RNF216: variants seen among roughly 807,000 people sequenced by gnomAD.
RNF216 encodes the protein ring finger protein 216.
In RNF216, 72 loss-of-function variants were observed where a neutral mutation model predicts 110.8. The observed-to-expected ratio is 0.65, with a 90% CI of 0.54 to 0.79. The LOEUF (loss-of-function observed/expected upper bound fraction) is 0.79. Among genes scored for constraint, RNF216 ranks in the 30% least tolerant of loss-of-function variants. The pLI, the probability that RNF216 is intolerant of heterozygous loss-of-function variation, is 0.00. For synonymous variants in RNF216, 495 were observed against 407.5 expected (o/e 1.21, Z -2.59); for missense variants, 1,342 against 1,141.2 (o/e 1.18, Z -2.54).
chr7:5,723,645 T>C lies in RNF216; in HGVS notation c.1504+1679A>G, dbSNP rs539221254. ...CTGGGCGACAGAGCAAGACTCCGTC[T>C]CAAAAAAAAAAAATAAATAAATAAA... On this transcript the variant is annotated intron_variant, in intron 8 of 16. Coordinates refer to ENST00000389902, the MANE Select transcript of RNF216 (RefSeq NM_207111.4). Among the ~76,000 whole-genome samples, 19 of 149,272 alleles carry C rather than the reference T, an allele frequency of 1.3e-4. No individual in the cohort carries two copies. The South Asian group carries it at 3.4e-3, about 27-fold the overall frequency.
intron 13 of RNF216, among the ~76,000 whole-genome samples, chr7:5,669,589 C>G (rs1789763496): frequency 6.6e-6 from 1 of 152,218 alleles, no homozygotes; most frequent in African/African-American, 2.4e-5. Context: ...CCAGATATCA[C>G]TGTTGAAACT....
intron 14 of RNF216, among the ~76,000 whole-genome samples, chr7:5,645,855 G>A (rs1447378135): frequency 1.3e-5 from 2 of 152,298 alleles, no homozygotes; most frequent in South Asian, 2.1e-4. Flanking sequence ...CTCCCAAAGT[G>A]CTGGGATTAC....
chr7:5,653,667 T>C (rs2128578286), intron 13 of RNF216, among the ~76,000 whole-genome samples: 1 of 132,274 alleles, frequency 7.6e-6, no homozygotes, highest in South Asian at 2.5e-4. Flanking sequence ...AGGCATTAAA[T>C]GGAAATTATA....
chr7:5,721,150 C>T lies in RNF216; in HGVS notation c.1527G>A (p.Arg509=), dbSNP rs374809313. The change falls in exon 9 of 17, where the codon AGG becomes AGA. Residue 509 remains arginine, a synonymous_variant. Coordinates refer to ENST00000389902, the MANE Select transcript of RNF216 (RefSeq NM_207111.4). ...FEQGDIKIEK[R]MFFLENKRRH... is the part of the protein sequence containing the mutation. ...GTCGCTTATTTTCAAGAAAGAACAT[C>T]CTCTTTTCTATTTTTATGTCACCTA... is the stretch of plus-strand genomic sequence containing the variant. The T allele has an allele frequency of 1.8e-4, 291 of 1,613,866 alleles. No individual in the cohort carries two copies. The highest frequency in any genetic ancestry group is 2.3e-4 in the Non-Finnish European group (272 of 1,179,932).
intron 13 of RNF216, among the ~76,000 whole-genome samples, chr7:5,686,037 A>G (rs1790960119): frequency 6.6e-6 from 1 of 151,848 alleles, no homozygotes; most frequent in Non-Finnish European, 1.5e-5. Flanking sequence ...AGCATGGCCA[A>G]CATGGTGAAA....
intron 13 of RNF216, among the ~76,000 whole-genome samples, chr7:5,708,739 C>T (rs3801017): frequency 0.058 from 8,874 of 152,090 alleles, 301 homozygotes; most frequent in East Asian, 0.12. Flanking sequence ...TGTAAGCTGC[C>T]CAGCTCTTTT....
intron 7 of RNF216, among the ~76,000 whole-genome samples, chr7:5,725,781 C>G (rs1479102704): frequency 7.1e-6 from 1 of 140,632 alleles, no homozygotes; most frequent in African/African-American, 2.7e-5. Context: ...ACCCAGGAGG[C>G]GGAGGTCGCA....
intron 13 of RNF216, among the ~76,000 whole-genome samples, chr7:5,654,219 T>A (rs1024789871): frequency 7.2e-5 from 11 of 152,126 alleles, no homozygotes; most frequent in Non-Finnish European, 1.3e-4. Flanking sequence ...AGGGAGGAAG[T>A]AAGACTGGTG....
chr7:5,752,868 T>C lies in RNF216; in HGVS notation c.179A>G (p.Asp60Gly). 1 of 1,612,482 alleles carries C rather than the reference T, an allele frequency of 6.2e-7. No homozygotes were observed. The highest frequency in any genetic ancestry group is 8.5e-7 in the Non-Finnish European group (1 of 1,179,374). Residue 60 changes from aspartate to glycine, a missense_variant, in exon 3 of 17, where the codon GAT becomes GGT. Physicochemically the swap from Asp to Gly is moderately conservative, Grantham distance 94. Transcript: ENST00000389902. ...CACTTCTGTCAGGATGACATCATCATCCAGGTCCTCTTCTTCATGCTGCTG... is the reference window on the plus strand; with the variant it reads ...CACTTCTGTCAGGATGACATCATCACCCAGGTCCTCTTCTTCATGCTGCTG... ...APQQHEEEDLDDDVILTETNK... is the reference protein window; with the variant it reads ...APQQHEEEDLGDDVILTETNK...
intron 2 of RNF216, among the ~76,000 whole-genome samples, chr7:5,758,689 T>C (rs971692920): frequency 1.3e-5 from 2 of 152,292 alleles, no homozygotes; most frequent in East Asian, 3.9e-4. Flanking sequence ...TTTGGCCAAT[T>C]TCTCCCTTTT....
chr7:5,697,294 G>C (rs189679967), intron 13 of RNF216, among the ~76,000 whole-genome samples: 1 of 152,348 alleles, frequency 6.6e-6, no homozygotes, highest in Non-Finnish European at 1.5e-5. Flanking sequence ...TCATCCCACT[G>C]ATGGTCAGTT....
intron 15 of RNF216, among the ~76,000 whole-genome samples, chr7:5,635,184 T>A (rs1787323418): frequency 6.6e-6 from 1 of 152,048 alleles, no homozygotes. Context: ...TCACACTGCA[T>A]AGCACGCTCA....
At chr7:5,727,584 C>A (rs573481897) in intron 7 of RNF216, among the ~76,000 whole-genome samples, 1 of 152,196 alleles carries the variant, frequency 6.6e-6, no homozygotes, top group South Asian at 2.1e-4. Flanking sequence ...ATAAAAAGAT[C>A]ATCCAGGTGT....
intron 13 of RNF216, among the ~76,000 whole-genome samples, chr7:5,693,529 A>G (rs760108788): frequency 6.6e-6 from 1 of 152,226 alleles, no homozygotes; most frequent in Non-Finnish European, 1.5e-5. Flanking sequence ...TTGAGGAAGG[A>G]AAGAGCAGGA....
chr7:5,700,084 C>T (rs1235930384), intron 13 of RNF216, among the ~76,000 whole-genome samples: 1 of 152,186 alleles, frequency 6.6e-6, no homozygotes, highest in Non-Finnish European at 1.5e-5. Context: ...CCACATTCCC[C>T]GCCCTGACAC....
rs1041115978 is a variant in RNF216 at position 5,644,481 on chromosome 7, T to C, written c.2160-3105A>G. ...CTTGTTGGTCATTTGTACATCTTTC[T>C]GGAGAAATATCAATTGATATTGTTT... On this transcript the variant is annotated intron_variant, in intron 14 of 16. Transcript: ENST00000389902. 2.0e-5 allele frequency among the ~76,000 whole-genome samples: 3 copies of C among 152,244 alleles called. No individual in the cohort carries two copies. The South Asian group carries it at 6.2e-4, about 32-fold the overall frequency.
chr7:5,767,385 T>A (rs1023830607), intron 1 of RNF216, among the ~76,000 whole-genome samples: 2 of 151,120 alleles, frequency 1.3e-5, no homozygotes, highest in Non-Finnish European at 3.0e-5. Flanking sequence ...AAGGTCAGAG[T>A]TTGGGGCTGC....
At chr7:5,632,735 C>T (rs569804209) in intron 15 of RNF216, among the ~76,000 whole-genome samples, 8 of 152,176 alleles carry the variant, frequency 5.3e-5, no homozygotes, top group Admixed American at 2.6e-4. Context: ...CAAGATCACG[C>T]GACTGCATTC....
chr7:5,625,583 C>A (rs558185114), intron 15 of RNF216, among the ~76,000 whole-genome samples: 5 of 152,284 alleles, frequency 3.3e-5, no homozygotes, highest in Admixed American at 2.6e-4. Flanking sequence ...AATGTCACAG[C>A]CAAGACAGAA....
Sources: allele counts gnomAD v4.1 joint callset (sites outside exome capture counted in the v4.1 genomes callset), GRCh38; gene constraint gnomAD v4.1.1; transcripts MANE v1.5; gene names NCBI Gene and HGNC (gene_info 2026-07-23, HGNC 2026-07-21).